The following SKA2 variants were observed in gnomAD, a reference collection of about 807,000 sequenced individuals.
SKA2 encodes the protein spindle and kinetochore associated complex subunit 2.
Under a neutral mutation model 16.9 loss-of-function variants are expected in SKA2, and 13 were observed. The ratio of observed to expected loss-of-function variants is 0.77; its 90% CI spans 0.50 to 1.22. The LOEUF is 1.22. SKA2 is among the 50% of genes most tolerant of loss of function. SKA2 has a pLI of 0.00. For synonymous variants in SKA2, 47 were observed against 48.5 expected, an observed-to-expected ratio of 0.97 and a Z score of 0.13; for missense variants, 107 against 139.7, an observed-to-expected ratio of 0.77 and a Z score of 1.18.
At chr17:59,131,826 A>ACAAAGATTG (rs2046413896) in intron 1 of SKA2, among the ~76,000 whole-genome samples, 1 of 152,206 alleles carries the variant, frequency 6.6e-6, no homozygotes, top group Non-Finnish European at 1.5e-5. Context: ...TTGATCAAAG[A>ACAAAGATTG]GCTACAACTA....
At chr17:59,141,943 C>G (rs2046493685) in intron 1 of SKA2, among the ~76,000 whole-genome samples, 1 of 152,064 alleles carries the variant, frequency 6.6e-6, no homozygotes, top group Non-Finnish European at 1.5e-5. Context: ...CTCTCATCCT[C>G]TTTGAACCCA....
intron 1 of SKA2, among the ~76,000 whole-genome samples, chr17:59,154,613 T>C (rs920284562): frequency 3.3e-5 from 5 of 152,148 alleles, no homozygotes; most frequent in Admixed American, 1.3e-4. Flanking sequence ...CGTTAGGAAG[T>C]TGTGCATACA....
intron 2 of SKA2, chr17:59,129,358 T>TACACATACACACAC (rs1555711820): frequency 1.5e-5 from 2 of 136,792 alleles, no homozygotes; most frequent in Non-Finnish European, 1.5e-5. Context: ...TAAACACACA[T>TACACATACACACAC]ACACACACAC....
At chr17:59,144,353 G>A (rs1174905616) in intron 1 of SKA2, among the ~76,000 whole-genome samples, 1 of 152,034 alleles carries the variant, frequency 6.6e-6, no homozygotes, top group Non-Finnish European at 1.5e-5. Flanking sequence ...ACAGTATGGT[G>A]GCTTCTCAAA....
In SKA2 at chr17:59,143,914, T is replaced by C. The variant is rs189772736; in HGVS notation, c.33+11217A>G. On this transcript the variant is annotated intron_variant, in intron 1 of 3. Transcript: ENST00000330137. ...GGCTCATGCCTGTAATCCCAGCACT[T>C]TGGGAGGCCGAAGCGGGCGGATCAT... Among the ~76,000 whole-genome samples, 275 of 152,100 alleles carry C rather than the reference T, an allele frequency of 1.8e-3. 2 individuals carry two copies. Among genetic ancestry groups the C allele is most frequent in the African/African-American group, 6.3e-3 (263 of 41,492 alleles).
At chr17:59,122,994 C>T (rs2046345281) in intron 2 of SKA2, among the ~76,000 whole-genome samples, 1 of 146,200 alleles carries the variant, frequency 6.8e-6, no homozygotes, top group South Asian at 2.1e-4. Flanking sequence ...TGCACTCCAG[C>T]CTGGGCGGCA....
chr17:59,150,169 A>T (rs1218666014), intron 1 of SKA2, among the ~76,000 whole-genome samples: 1 of 152,164 alleles, frequency 6.6e-6, no homozygotes, highest in Non-Finnish European at 1.5e-5. Context: ...AAGTGGGAGG[A>T]TTGCTTGAAG....
intron 1 of SKA2, chr17:59,151,337 T>C: frequency 2.4e-6 from 1 of 408,246 alleles, no homozygotes; most frequent in Non-Finnish European, 4.7e-6. Context: ...AAAAAACATT[T>C]ATATCAATGT....
chr17:59,153,088 C>T (rs2046589797), intron 1 of SKA2, among the ~76,000 whole-genome samples: 1 of 152,118 alleles, frequency 6.6e-6, no homozygotes, highest in Admixed American at 6.6e-5. Context: ...CTAAAGAAGT[C>T]CTGTGAGAAT....
rs35130048 is a variant in SKA2 at position 59,124,974 on chromosome 17, C to CTTT, written c.121-5482_121-5480dup. On this transcript the variant is annotated intron_variant, in intron 2 of 3. Transcript: ENST00000330137. Reference sequence around the variant, plus strand: ...ACTGGCTGTTGGGAACCACTACATTCTTTTTTTTTTTTTTTTGAGATGGAG... The same window carrying CTTT: ...ACTGGCTGTTGGGAACCACTACATTCTTTTTTTTTTTTTTTTTTTGAGATGGAG... Among the ~76,000 whole-genome samples the CTTT allele has an allele frequency of 4.0e-4, 54 of 135,100 alleles. 2 individuals are homozygous for CTTT. The highest frequency in any genetic ancestry group is 5.4e-4 in the Non-Finnish European group (34 of 62,838). The allele number at this position is 135,100 out of a possible 152,430, so 88.6% of individuals were successfully genotyped here.
chr17:59,128,897 G>T (rs2046390014), intron 2 of SKA2, among the ~76,000 whole-genome samples: 1 of 152,050 alleles, frequency 6.6e-6, no homozygotes, highest in African/African-American at 2.4e-5. Flanking sequence ...TACTTTAAAG[G>T]GGTGAATTTA....
At chr17:59,139,135 C>T (rs990968993) in intron 1 of SKA2, among the ~76,000 whole-genome samples, 5 of 152,084 alleles carry the variant, frequency 3.3e-5, no homozygotes, top group Admixed American at 3.3e-4. Context: ...CAGTGGCTCA[C>T]GCCTGTAATC....
At chr17:59,121,793 CAAAAAAAAAAAAAAAA>C (rs758240217) in intron 2 of SKA2, among the ~76,000 whole-genome samples, 8 of 81,148 alleles carry the variant, frequency 9.9e-5, no homozygotes, top group East Asian at 4.2e-4. Context: ...TACGAAAATA[CAAAAAAAAAAAAAAAA>C]AAAAAAAAAA....
At position 59,112,046 on chromosome 17, in the gene SKA2, T is replaced by C. The variant is rs567775978; in HGVS notation, c.*231A>G. ...GTGTGTGTGCATGCGTGTGTACATA[T>C]ATTTAAATCGTTTTATTCTCATTTG... On this transcript the variant is annotated 3_prime_UTR_variant, in exon 4 of 4. Coordinates refer to ENST00000330137, the MANE Select transcript of SKA2 (RefSeq NM_182620.4). 1.4e-5 allele frequency: 7 copies of C among 510,812 alleles called. No homozygotes were observed. In the East Asian group the frequency reaches 1.7e-4, roughly 13 times the overall value. The allele number at this position is 510,812 out of a possible 1,614,324, so 31.6% of individuals were successfully genotyped here.
intron 1 of SKA2, among the ~76,000 whole-genome samples, chr17:59,145,219 G>A (rs1444800885): frequency 5.3e-5 from 8 of 152,122 alleles, no homozygotes; most frequent in Non-Finnish European, 1.0e-4. Flanking sequence ...TATGTTACAT[G>A]TATTTTAACA....
intron 1 of SKA2, among the ~76,000 whole-genome samples, chr17:59,139,415 A>G (rs2046471510): frequency 2.0e-5 from 3 of 151,740 alleles, no homozygotes; most frequent in South Asian, 4.1e-4. Flanking sequence ...AAAAAAAAAA[A>G]AAAGAAATGC....
At chr17:59,133,628 G>C (rs774265716) in intron 1 of SKA2, among the ~76,000 whole-genome samples, 7 of 152,134 alleles carry the variant, frequency 4.6e-5, no homozygotes, top group Admixed American at 6.6e-5. Flanking sequence ...GGTTCTATTA[G>C]GACCCTACTT....
At chr17:59,125,104 G>A (rs1347708985) in intron 2 of SKA2, among the ~76,000 whole-genome samples, 1 of 150,506 alleles carries the variant, frequency 6.6e-6, no homozygotes, top group African/African-American at 2.4e-5. Flanking sequence ...CTCTCAAGTA[G>A]CTGGGATTAC....
intron 1 of SKA2, among the ~76,000 whole-genome samples, chr17:59,136,124 T>C (rs920296750): frequency 8.6e-5 from 13 of 151,522 alleles, no homozygotes; most frequent in Non-Finnish European, 1.2e-4. Flanking sequence ...CTGTGGAAAA[T>C]TGTATAGAAC....
Sources: allele counts gnomAD v4.1 joint callset (sites outside exome capture counted in the v4.1 genomes callset), GRCh38; gene constraint gnomAD v4.1.1; transcripts MANE v1.5; gene names NCBI Gene and HGNC (gene_info 2026-07-23, HGNC 2026-07-21).